Variants in IRAG1 observed in about 807,000 individuals in gnomAD.
The protein encoded by IRAG1 is IP3R-associated cGMP kinase substrate.
In IRAG1, 62 loss-of-function variants were observed where a neutral mutation model predicts 106.2. That is an observed-to-expected ratio of 0.58 (90% CI 0.48 to 0.72). The LOEUF is 0.72. Among genes scored for constraint, IRAG1 ranks in the 30% least tolerant of loss-of-function variants. IRAG1 has a pLI of 0.00. For missense variants in IRAG1, 1,064 were observed against 1,140.7 expected, an observed-to-expected ratio of 0.93 and a Z score of 0.97; for synonymous variants, 462 against 443.9, an observed-to-expected ratio of 1.04 and a Z score of -0.51.
chr11:10,619,842 G>C (rs1303899198), intron 10 of IRAG1, among the ~76,000 whole-genome samples: 1 of 152,324 alleles, frequency 6.6e-6, no homozygotes, highest in Non-Finnish European at 1.5e-5. Flanking sequence ...CTAGAACTGA[G>C]AGAAAATGAG....
intron 14 of IRAG1, among the ~76,000 whole-genome samples, chr11:10,601,366 G>A: frequency 6.6e-6 from 1 of 152,212 alleles, no homozygotes; most frequent in Middle Eastern, 3.2e-3. Flanking sequence ...TGTAGGATGT[G>A]AGCAGCATCT....
chr11:10,573,399 T>C lies in IRAG1; in HGVS notation c.*2933A>G, dbSNP rs761953108. 6.6e-6 allele frequency: 1 copy of C among 152,178 alleles called. No homozygotes were observed. Among genetic ancestry groups the C allele is most frequent in the Non-Finnish European group, 1.5e-5 (1 of 68,074 alleles). 9.4% of individuals were successfully genotyped at this position (152,178 alleles called of 1,614,324 possible). On this transcript the variant is annotated 3_prime_UTR_variant, in exon 21 of 21. Transcript: ENST00000423302. ...CAGAGATGTCAGACTTCAGAGGCATTTGGGGGACTCTTCAGATCCACATCC... is the reference window on the plus strand; with the variant it reads ...CAGAGATGTCAGACTTCAGAGGCATCTGGGGGACTCTTCAGATCCACATCC...
intron 15 of IRAG1, among the ~76,000 whole-genome samples, chr11:10,598,801 A>C (rs773982679): frequency 2.2e-4 from 34 of 152,248 alleles, no homozygotes; most frequent in Non-Finnish European, 4.0e-4. Flanking sequence ...AATGCAGATA[A>C]TTGGTAAATT....
rs370785460 is a variant in IRAG1 at position 10,678,546 on chromosome 11, A to G, written c.67+14990T>C. ...GAGGATGAAGTGATGCGGCAAGGTC[A>G]CACAGCCATTAGGAGCCCAGCTGAG... is the stretch of plus-strand genomic sequence containing the variant. On this transcript the variant is annotated intron_variant, in intron 1 of 20. Coordinates refer to ENST00000423302, the MANE Select transcript of IRAG1 (RefSeq NM_130385.4). Among the ~76,000 whole-genome samples, 30 of 152,340 alleles carry G rather than the reference A, an allele frequency of 2.0e-4. 1 individual carries two copies. The highest frequency in any genetic ancestry group is 7.0e-4 in the African/African-American group (29 of 41,570).
chr11:10,634,457 C>T (rs934307334), intron 2 of IRAG1, among the ~76,000 whole-genome samples: 7 of 152,168 alleles, frequency 4.6e-5, no homozygotes, highest in African/African-American at 1.7e-4. Flanking sequence ...ACATTATTAA[C>T]TACAGTCACC....
At chr11:10,584,409 C>CT (rs1851708913) in intron 18 of IRAG1, among the ~76,000 whole-genome samples, 1 of 152,066 alleles carries the variant, frequency 6.6e-6, no homozygotes, top group Non-Finnish European at 1.5e-5. Flanking sequence ...CATAACATTT[C>CT]TCCTTTTGCA....
intron 2 of IRAG1, among the ~76,000 whole-genome samples, chr11:10,643,650 A>C (rs1463328873): frequency 1.3e-5 from 2 of 152,050 alleles, no homozygotes; most frequent in Non-Finnish European, 2.9e-5. Flanking sequence ...TCTGCCTTTT[A>C]ATGCAGTCAT....
At chr11:10,617,637 G>T (rs1046455169) in intron 10 of IRAG1, among the ~76,000 whole-genome samples, 3 of 152,198 alleles carry the variant, frequency 2.0e-5, no homozygotes, top group African/African-American at 7.2e-5. Context: ...GCTGCTTTCC[G>T]TGGGCATTTG....
intron 15 of IRAG1, among the ~76,000 whole-genome samples, chr11:10,598,283 G>C (rs973743174): frequency 3.3e-5 from 5 of 152,096 alleles, no homozygotes; most frequent in African/African-American, 9.7e-5. Flanking sequence ...TTCTTTTCTT[G>C]TATCTGGGTA....
chr11:10,611,283 G>C (rs1350535146), intron 10 of IRAG1, among the ~76,000 whole-genome samples: 3 of 152,148 alleles, frequency 2.0e-5, no homozygotes, highest in Non-Finnish European at 4.4e-5. Context: ...CTCTGGTTCT[G>C]TCCTGGTATT....
At chr11:10,585,578 G>T (rs773666599) in intron 18 of IRAG1, among the ~76,000 whole-genome samples, 21 of 152,026 alleles carry the variant, frequency 1.4e-4, no homozygotes, top group Non-Finnish European at 3.1e-4. Flanking sequence ...TGTTAGAACA[G>T]AGCCTGATAA....
At chr11:10,631,722 A>T (rs1856705081) in intron 4 of IRAG1, among the ~76,000 whole-genome samples, 1 of 151,798 alleles carries the variant, frequency 6.6e-6, no homozygotes, top group Admixed American at 6.6e-5. Flanking sequence ...TGCCCCCTAA[A>T]CCCCAGAAAT....
intron 10 of IRAG1, chr11:10,617,040 CCT>C: frequency 1.0e-6 from 1 of 985,120 alleles, no homozygotes; most frequent in Non-Finnish European, 1.2e-6. Context: ...CTTTTTTTTA[CCT>C]CTTTCTTCTC....
intron 1 of IRAG1, among the ~76,000 whole-genome samples, chr11:10,674,026 G>A (rs955634962): frequency 1.2e-4 from 19 of 152,170 alleles, no homozygotes; most frequent in Admixed American, 4.6e-4. Flanking sequence ...AAGAAAGACA[G>A]ACTCACTGGG....
chr11:10,657,429 A>G lies in IRAG1; in HGVS notation c.68-5247T>C, dbSNP rs1402795023. ...TCTCCCAGAGCCTTGCAACCTGCCT[A>G]GGAGAGACCAAACTCCTCTCTGAAA... is the stretch of plus-strand genomic sequence containing the variant. On this transcript the variant is annotated intron_variant, in intron 1 of 20. Transcript: ENST00000423302. This position sits in a 1 kb window ranked among gnomAD's most constrained non-coding sequence, Gnocchi z 4.1. Among the ~76,000 whole-genome samples the G allele has an allele frequency of 6.6e-6, 1 of 152,124 alleles. No individual in the cohort carries two copies.
intron 1 of IRAG1, among the ~76,000 whole-genome samples, chr11:10,656,711 G>A (rs1224750748): frequency 6.6e-6 from 1 of 152,140 alleles, no homozygotes; most frequent in Non-Finnish European, 1.5e-5. Context: ...AGGGCTCAGA[G>A]AGGTTCCGCA....
chr11:10,605,097 T>C (rs1854369226), intron 12 of IRAG1, among the ~76,000 whole-genome samples: 1 of 152,266 alleles, frequency 6.6e-6, no homozygotes, highest in African/African-American at 2.4e-5. Flanking sequence ...GGTATGATTC[T>C]GTTCGGTTAA....
intron 1 of IRAG1, 167 bp from the exon 2 acceptor site, chr11:10,652,349 T>C (rs1279190935): frequency 6.9e-7 from 1 of 1,438,988 alleles, no homozygotes; most frequent in Non-Finnish European, 9.2e-7. Context: ...TTCCTCCGGC[T>C]CTCTGGCTTT....
chr11:10,616,209 C>T (rs541205735), intron 10 of IRAG1, among the ~76,000 whole-genome samples: 5 of 148,908 alleles, frequency 3.4e-5, no homozygotes, highest in South Asian at 2.1e-4. Context: ...AGGAGAGCGG[C>T]GTGAATCCGG....
Sources: gnomAD v4.1 joint callset for allele counts (sites outside exome capture counted in the v4.1 genomes callset) on GRCh38, gnomAD v4.1.1 for gene constraint, Gnocchi (gnomAD v3.1) non-coding constraint, MANE v1.5 for transcripts, NCBI Gene and HGNC (gene_info 2026-07-23, HGNC 2026-07-21) for gene names.